The following STAT5A variants were observed in gnomAD, a reference collection of about 807,000 sequenced individuals.
The protein encoded by STAT5A is epididymis secretory sperm binding protein.
A neutral mutation model predicts 100.2 loss-of-function variants in STAT5A; 26 were observed. The ratio of observed to expected loss-of-function variants is 0.26; its 90% confidence interval spans 0.19 to 0.36. The LOEUF (loss-of-function observed/expected upper bound fraction) is 0.36. Among genes scored for constraint, STAT5A ranks in the 10% least tolerant of loss-of-function variants. The pLI, the probability that STAT5A is intolerant of heterozygous loss-of-function variation, is 1.00. For missense variants in STAT5A, 634 were observed against 1,027.5 expected (o/e 0.62, Z 5.24); for synonymous variants, 330 against 424.3 (o/e 0.78, Z 2.73).
At chr17:42,301,723 G>A (rs2080981635) in intron 9 of STAT5A, among the ~76,000 whole-genome samples, 1 of 152,208 alleles carries the variant, frequency 6.6e-6, no homozygotes, top group South Asian at 2.1e-4. Flanking sequence ...CCACTGCCCA[G>A]CATTGTGAGA....
Position 42,308,104 on chromosome 17 carries a change from C to T in STAT5A, c.1907-74C>T, listed in dbSNP as rs2081047132. The T allele has an allele frequency of 1.3e-6, 2 of 1,571,952 alleles. No individual in the cohort carries two copies. The highest frequency in any genetic ancestry group is 1.4e-5 in the African/African-American group (1 of 73,866). On this transcript the variant is annotated intron_variant, in intron 15 of 18. Transcript: ENST00000590949. The surrounding 1 kb of genome is among the most constrained non-coding windows in gnomAD (Gnocchi z 4.6). ...TAAAAGCCCAGATTTCTCTTGCAAG[C>T]CTGCCCTAAAGCCCCACAACCTTGG... is the stretch of plus-strand genomic sequence containing the variant.
At chr17:42,291,459 G>A (rs763844723) in intron 3 of STAT5A, among the ~76,000 whole-genome samples, 72 of 152,168 alleles carry the variant, frequency 4.7e-4, no homozygotes, top group Non-Finnish European at 8.1e-4. Context: ...GCTCACACCT[G>A]TAATCACAGC....
Position 42,289,642 on chromosome 17 carries a change from T to C in STAT5A, c.128+103T>C, listed in dbSNP as rs2080850616. 5 of 1,492,200 alleles carry C rather than the reference T, an allele frequency of 3.4e-6. No individual in the cohort carries two copies. In the Admixed American group the frequency reaches 9.3e-5, roughly 28 times the overall value. The allele number at this position is 1,492,200 out of a possible 1,614,324, so 92.4% of individuals were successfully genotyped here. A position where few individuals can be genotyped will look rare whatever the true frequency, so the allele number is the denominator to read the frequency against. The stretch of plus-strand genomic sequence containing the variant: ...GGTTTGGTGTGACTCTGGTCCTGCC[T>C]GTCCTTCTTTGTGCGGAAGGGGTGG... On this transcript the variant is annotated intron_variant, in intron 2 of 18. Transcript: ENST00000590949.
chr17:42,306,756 G>C (rs1011698058), intron 13 of STAT5A, among the ~76,000 whole-genome samples: 1 of 151,822 alleles, frequency 6.6e-6, no homozygotes, highest in Non-Finnish European at 1.5e-5. Flanking sequence ...ATCTCATTCT[G>C]TCACCCAGGC....
chr17:42,299,440 C>T (rs987156325), intron 5 of STAT5A, among the ~76,000 whole-genome samples: 5 of 152,228 alleles, frequency 3.3e-5, no homozygotes, highest in East Asian at 1.9e-4. Flanking sequence ...CATGCTGGGA[C>T]GCGAGAAGAG....
intron 13 of STAT5A, among the ~76,000 whole-genome samples, chr17:42,306,866 C>T (rs1477670183): frequency 1.3e-5 from 2 of 152,034 alleles, no homozygotes; most frequent in Non-Finnish European, 2.9e-5. Flanking sequence ...ATTATAGGTG[C>T]CTGCCACCAT....
rs1398188171 is a variant in STAT5A, at chr17:42,304,327, C to T, written c.1170-15C>T. ...TGGGGCCCATGTGGAGCTGGGACCC[C>T]CCTCTCCTTTGCAGCGAGTGCAGTG... On this transcript the variant is annotated splice_polypyrimidine_tract_variant and intron_variant, in intron 9 of 18. Coordinates refer to ENST00000590949, the MANE Select transcript of STAT5A (RefSeq NM_001288718.2). The surrounding 1 kb of genome is among the most constrained non-coding windows in gnomAD (Gnocchi z 4.8). The T allele has an allele frequency of 3.1e-6, 5 of 1,613,768 alleles. No individual in the cohort carries two copies. In the South Asian group the frequency reaches 4.4e-5, roughly 14 times the overall value.
chr17:42,287,545 C>A (rs1375483122), upstream of STAT5A: 1 of 152,372 alleles, frequency 6.6e-6, no homozygotes, highest in African/African-American at 2.4e-5. Flanking sequence ...GACTGAGGCT[C>A]TAGACAGGAT....
chr17:42,301,137 C>A, intron 8 of STAT5A, 138 bp from the exon 9 acceptor site: 1 of 1,431,420 alleles, frequency 7.0e-7, no homozygotes, highest in Non-Finnish European at 9.5e-7. Flanking sequence ...CACAGCTTCC[C>A]CGGGAACAGA....
chr17:42,302,274 C>G (rs2080987886), intron 9 of STAT5A, among the ~76,000 whole-genome samples: 1 of 152,194 alleles, frequency 6.6e-6, no homozygotes, highest in Non-Finnish European at 1.5e-5. Flanking sequence ...CTCGCCCAGC[C>G]CCTTGAGCAG....
chr17:42,302,883 A>T (rs1380299370), intron 9 of STAT5A, among the ~76,000 whole-genome samples: 2 of 151,386 alleles, frequency 1.3e-5, no homozygotes, highest in African/African-American at 2.4e-5. Flanking sequence ...TTGAACCCGG[A>T]GGTGGACGTG....
intron 5 of STAT5A, among the ~76,000 whole-genome samples, chr17:42,298,967 C>T (rs1331074806): frequency 6.6e-6 from 1 of 151,562 alleles, no homozygotes; most frequent in Non-Finnish European, 1.5e-5. Context: ...TGCGGTCTGT[C>T]TATCTGTCTG....
intron 9 of STAT5A, 79 bp downstream of exon 9, chr17:42,301,533 T>C: frequency 6.4e-7 from 1 of 1,567,838 alleles, no homozygotes; most frequent in Non-Finnish European, 8.7e-7. Flanking sequence ...TGCATCCAGC[T>C]ATGTCTTGTC....
intron 18 of STAT5A, among the ~76,000 whole-genome samples, chr17:42,310,138 C>T (rs1349068095): frequency 2.0e-5 from 3 of 152,250 alleles, no homozygotes; most frequent in African/African-American, 7.2e-5. Flanking sequence ...TCTAGGTGCT[C>T]AGTGAAAAGA....
At chr17:42,307,276 G>C (rs537999698) in intron 13 of STAT5A, 126 bp from the exon 14 acceptor site, 19 of 874,770 alleles carry the variant, frequency 2.2e-5, no homozygotes, top group Non-Finnish European at 3.3e-5. Context: ...TGGTCTGCTG[G>C]AGTGTGGTGG....
chr17:42,299,678 G>A, intron 5 of STAT5A, 73 bp from the exon 6 acceptor site: 2 of 1,611,608 alleles, frequency 1.2e-6, no homozygotes, highest in Non-Finnish European at 1.7e-6. Flanking sequence ...TCCAGAACAG[G>A]TGAGTGGGCT....
Position 42,308,816 on chromosome 17 carries a change from A to C in STAT5A, c.2063-231A>C. On this transcript the variant is annotated intron_variant, in intron 16 of 18. Coordinates refer to ENST00000590949, the MANE Select transcript of STAT5A (RefSeq NM_001288718.2). This position sits in a 1 kb window ranked among gnomAD's most constrained non-coding sequence, Gnocchi z 4.6. Reference sequence around the variant, plus strand: ...ACAGGGGTGGGAGCAGGGAGAGGGAAATCAGATGGCCAGAAAAAGAACCAG... The same window carrying C: ...ACAGGGGTGGGAGCAGGGAGAGGGACATCAGATGGCCAGAAAAAGAACCAG... 1 of 587,792 alleles carries C rather than the reference A, an allele frequency of 1.7e-6. No homozygotes were observed. The highest frequency in any genetic ancestry group is 3.0e-6 in the Non-Finnish European group (1 of 330,212). The allele number at this position is 587,792 out of a possible 1,614,324, so 36.4% of individuals were successfully genotyped here. A position where few individuals can be genotyped will look rare whatever the true frequency, so the allele number is the denominator to read the frequency against.
chr17:42,310,684 C>T lies in STAT5A; in HGVS notation c.*15C>T, dbSNP rs749309701. ...CCCTCTCATGAATGTTTGAATCCCA[C>T]GCTTCTCTTTGGAAACAATATGCAA... On this transcript the variant is annotated 3_prime_UTR_variant, in exon 19 of 19. Transcript: ENST00000590949. 20 of 1,613,742 alleles carry T rather than the reference C, an allele frequency of 1.2e-5. No individual in the cohort carries two copies. Among genetic ancestry groups the T allele is most frequent in the Non-Finnish European group, 1.4e-5 (17 of 1,179,844 alleles).
chr17:42,304,527 C>T lies in STAT5A; in HGVS notation c.1258-3C>T. 1 of 1,614,212 alleles carries T rather than the reference C, an allele frequency of 6.2e-7. No individual in the cohort carries two copies. The highest frequency in any genetic ancestry group is 8.5e-7 in the Non-Finnish European group (1 of 1,180,032). ...TGTTCCCCTGTCACCTCCCACCCTG[C>T]AGTCACTGAAGAGGATCAAGCGTGC... On this transcript the variant is annotated splice_region_variant and splice_polypyrimidine_tract_variant and intron_variant, in intron 10 of 18. Transcript: ENST00000590949. This position sits in a 1 kb window ranked among gnomAD's most constrained non-coding sequence, Gnocchi z 4.8.
Sources: allele counts gnomAD v4.1 joint callset (sites outside exome capture counted in the v4.1 genomes callset), GRCh38; gene constraint gnomAD v4.1.1; non-coding constraint Gnocchi (gnomAD v3.1); transcripts MANE v1.5; gene names NCBI Gene and HGNC (gene_info 2026-07-23, HGNC 2026-07-21).